The following PITPNB variants were observed in gnomAD, a reference collection of about 807,000 sequenced individuals.
PITPNB encodes phosphatidylinositol transfer protein beta, also known as phosphatidylinositol transfer protein beta isoform.
In PITPNB, 16 loss-of-function variants were observed where a neutral mutation model predicts 45.9. That is an observed-to-expected ratio of 0.35 (90% CI 0.24 to 0.53). The LOEUF is 0.53. Among genes scored for constraint, PITPNB ranks in the 20% least tolerant of loss-of-function variants. The pLI is 0.93. For missense variants in PITPNB, 188 were observed against 330.5 expected, an observed-to-expected ratio of 0.57 and a Z score of 3.34; for synonymous variants, 112 against 108.9, an observed-to-expected ratio of 1.03 and a Z score of -0.18.
In PITPNB at chr22:27,854,477, T is replaced by C. The variant is rs1034889732; in HGVS notation, c.*38+377A>G. On this transcript the variant is annotated intron_variant, in intron 11 of 11. Transcript: ENST00000335272. ...TATGGTATGGGATAGAGGATCTTTA[T>C]TTGATCTCAAGTGATTTTGCATATT... 3.2e-4 allele frequency among the ~76,000 whole-genome samples: 48 copies of C among 152,324 alleles called. 1 individual carries two copies. Among genetic ancestry groups the C allele is most frequent in the Admixed American group, 6.5e-4 (10 of 15,304 alleles).
intron 7 of PITPNB, among the ~76,000 whole-genome samples, chr22:27,880,112 C>T (rs1934926358): frequency 6.6e-6 from 1 of 152,166 alleles, no homozygotes; most frequent in Admixed American, 6.5e-5. Context: ...ACTGGACTAT[C>T]ACCACCACTA....
chr22:27,897,311 A>G (rs1232183386), intron 4 of PITPNB, among the ~76,000 whole-genome samples, 174 bp from the exon 5 acceptor site: 1 of 152,266 alleles, frequency 6.6e-6, no homozygotes, highest in East Asian at 1.9e-4. Context: ...GACACTATAC[A>G]GTACATTAGA....
intron 2 of PITPNB, among the ~76,000 whole-genome samples, chr22:27,912,983 C>CA (rs35050003): frequency 0.12 from 3,952 of 32,962 alleles, 206 homozygotes; most frequent in Non-Finnish European, 0.16. Flanking sequence ...ACTCCATCTC[C>CA]AAAAAAAAAA....
At chr22:27,888,162 T>C (rs1738261834) in intron 7 of PITPNB, among the ~76,000 whole-genome samples, 1 of 152,220 alleles carries the variant, frequency 6.6e-6, no homozygotes, top group Non-Finnish European at 1.5e-5. Context: ...CTCCAGGTTG[T>C]CTTGAAAAGG....
Position 27,852,241 on chromosome 22 carries a change from G to A in PITPNB, c.*1461C>T, listed in dbSNP as rs1934040040. ...ATTACTAATGTGATTTGACTGCAGG[G>A]GTTGGCGTGTTTTAGGAGGGACAGG... On this transcript the variant is annotated 3_prime_UTR_variant, in exon 12 of 12. Coordinates refer to ENST00000335272, the MANE Select transcript of PITPNB (RefSeq NM_012399.5). The A allele has an allele frequency of 6.6e-6, 1 of 152,124 alleles. No homozygotes were observed. Among genetic ancestry groups the A allele is most frequent in the African/African-American group, 2.4e-5 (1 of 41,412 alleles). The allele number at this position is 152,124 out of a possible 1,614,324, so 9.4% of individuals were successfully genotyped here.
chr22:27,910,193 G>A (rs552845223), intron 3 of PITPNB, among the ~76,000 whole-genome samples: 1 of 151,982 alleles, frequency 6.6e-6, no homozygotes, highest in African/African-American at 2.4e-5. Context: ...CTCGTAATCT[G>A]CCCGCCTCAG....
rs115952237 is a variant in PITPNB at position 27,898,956 on chromosome 22, T to C, written c.198-1064A>G. ...ATAAATGCAAATGAAGTGACTGATA[T>C]AGTGACTGGAGCCTACTGTAAAGAG... On this transcript the variant is annotated intron_variant, in intron 3 of 11. Transcript: ENST00000335272. Among the ~76,000 whole-genome samples the C allele has an allele frequency of 9.6e-3, 1,463 of 152,338 alleles. 29 individuals carry two copies. Among genetic ancestry groups the C allele is most frequent in the African/African-American group, 0.033 (1,361 of 41,578 alleles).
intron 6 of PITPNB, among the ~76,000 whole-genome samples, chr22:27,895,098 G>A (rs1935396594): frequency 6.6e-6 from 1 of 152,158 alleles, no homozygotes; most frequent in Admixed American, 6.5e-5. Flanking sequence ...TTCAGTTTCA[G>A]TATGATGCCA....
At chr22:27,858,280 T>G (rs1934228412) in intron 10 of PITPNB, 107 bp downstream of exon 10, 1 of 862,536 alleles carries the variant, frequency 1.2e-6, no homozygotes, top group Non-Finnish European at 1.8e-6. Flanking sequence ...GAATAGGGAA[T>G]GATTTTTAAC....
intron 7 of PITPNB, 38 bp from the exon 8 acceptor site, chr22:27,873,853 C>G: frequency 2.9e-6 from 4 of 1,360,520 alleles, no homozygotes; most frequent in Non-Finnish European, 4.2e-6. Flanking sequence ...GAGAAGAAAA[C>G]CAGAGAATAT....
At chr22:27,881,409 T>C (rs764396538) in intron 7 of PITPNB, among the ~76,000 whole-genome samples, 15 of 152,294 alleles carry the variant, frequency 9.8e-5, no homozygotes, top group Non-Finnish European at 1.8e-4. Flanking sequence ...AATAAAGAGT[T>C]TTTGGATCAC....
chr22:27,887,860 C>T (rs1483736777), intron 7 of PITPNB, among the ~76,000 whole-genome samples: 2 of 152,130 alleles, frequency 1.3e-5, no homozygotes, highest in African/African-American at 4.8e-5. Context: ...GGAGGCCATT[C>T]CCTTAATTAA....
intron 8 of PITPNB, among the ~76,000 whole-genome samples, chr22:27,860,829 A>T (rs1175446756): frequency 6.6e-6 from 1 of 152,192 alleles, no homozygotes; most frequent in African/African-American, 2.4e-5. Flanking sequence ...CAGTTTAAAT[A>T]GTGTAGTCAG....
intron 8 of PITPNB, among the ~76,000 whole-genome samples, chr22:27,864,579 A>G (rs896844628): frequency 7.2e-5 from 11 of 152,198 alleles, no homozygotes; most frequent in African/African-American, 2.4e-4. Context: ...TACCCACTAC[A>G]GGAGACAGGT....
intron 1 of PITPNB, among the ~76,000 whole-genome samples, chr22:27,918,562 C>G (rs969196813): frequency 6.6e-6 from 1 of 152,234 alleles, no homozygotes; most frequent in Non-Finnish European, 1.5e-5. Flanking sequence ...GTCACCTCAT[C>G]TTAAAACATG....
chr22:27,886,351 A>G (rs928424051), intron 7 of PITPNB, among the ~76,000 whole-genome samples: 1 of 152,328 alleles, frequency 6.6e-6, no homozygotes, highest in Admixed American at 6.5e-5. Flanking sequence ...TCATCAACAA[A>G]AAGTCTTAAT....
chr22:27,856,329 A>G (rs1388490048), intron 10 of PITPNB, among the ~76,000 whole-genome samples: 1 of 152,116 alleles, frequency 6.6e-6, no homozygotes, highest in Non-Finnish European at 1.5e-5. Flanking sequence ...GCAATTCCCA[A>G]CTCACAAATA....
intron 3 of PITPNB, chr22:27,910,741 C>T: frequency 2.4e-6 from 1 of 410,522 alleles, no homozygotes; most frequent in Non-Finnish European, 4.4e-6. Flanking sequence ...TATTTGATGG[C>T]AAGGAGCAGG....
chr22:27,909,983 G>A (rs1282510624), intron 3 of PITPNB, among the ~76,000 whole-genome samples: 3 of 141,298 alleles, frequency 2.1e-5, no homozygotes, highest in African/African-American at 5.3e-5. Context: ...ACGGAGTCTC[G>A]CTCTGTCACC....
Sources: allele counts gnomAD v4.1 joint callset (sites outside exome capture counted in the v4.1 genomes callset), GRCh38; gene constraint gnomAD v4.1.1; transcripts MANE v1.5; gene names NCBI Gene and HGNC (gene_info 2026-07-23, HGNC 2026-07-21).